Variants in DISC1 observed in about 807,000 individuals in gnomAD.
DISC1 encodes the protein DISC1 scaffold protein, also known as disrupted in schizophrenia 1 protein.
Under a neutral mutation model 84.5 loss-of-function variants are expected in DISC1, and 57 were observed. That is an observed-to-expected ratio of 0.67 (90% CI 0.55 to 0.84). DISC1 has a LOEUF of 0.84. Among genes scored for constraint, DISC1 ranks in the 40% least tolerant of loss-of-function variants. DISC1 has a pLI of 0.00. For missense variants in DISC1, 1,000 were observed against 1,057.8 expected (o/e 0.95, Z 0.76); for synonymous variants, 411 against 415.2 (o/e 0.99, Z 0.12).
At chr1:231,969,586 C>CT (rs1313899627) in intron 10 of DISC1, among the ~76,000 whole-genome samples, 5 of 96,936 alleles carry the variant, frequency 5.2e-5, no homozygotes. Flanking sequence ...ATACTTGTTT[C>CT]TTTCTTTCTT....
At chr1:231,980,354 C>T (rs1355710061) in intron 10 of DISC1, among the ~76,000 whole-genome samples, 1 of 152,058 alleles carries the variant, frequency 6.6e-6, no homozygotes, top group Non-Finnish European at 1.5e-5. Flanking sequence ...AAGGGTCAGT[C>T]CTGCAAAAAT....
At chr1:231,842,782 G>T (rs1477382083) in intron 9 of DISC1, among the ~76,000 whole-genome samples, 1 of 152,138 alleles carries the variant, frequency 6.6e-6, no homozygotes, top group Non-Finnish European at 1.5e-5. Flanking sequence ...TCCAGGTTTT[G>T]TGAGGACTGG....
At chr1:231,848,134 A>G (rs2083595582) in intron 9 of DISC1, among the ~76,000 whole-genome samples, 1 of 152,142 alleles carries the variant, frequency 6.6e-6, no homozygotes, top group African/African-American at 2.4e-5. Flanking sequence ...TAACAAGCAG[A>G]TGGTATTTTT....
At chr1:231,711,170 A>G (rs2067772394) in intron 3 of DISC1, among the ~76,000 whole-genome samples, 1 of 152,036 alleles carries the variant, frequency 6.6e-6, no homozygotes, top group Non-Finnish European at 1.5e-5. Context: ...ACAACTATCT[A>G]CTGAATATCT....
Position 231,675,236 on chromosome 1 carries a change from G to T in DISC1, c.68-18590G>T, listed in dbSNP as rs2063024674. 1.3e-5 allele frequency among the ~76,000 whole-genome samples: 2 copies of T among 152,084 alleles called. No individual in the cohort carries two copies. The highest frequency in any genetic ancestry group is 4.8e-5 in the African/African-American group (2 of 41,424). On this transcript the variant is annotated intron_variant, in intron 1 of 12. Transcript: ENST00000439617. The surrounding 1 kb of genome is among the most constrained non-coding windows in gnomAD (Gnocchi z 4.1). ...TCCTTAGGCTACTCCCGCCCGCAAAGTGTAGCGCTGTCTTGGTGGATCCTG... is the reference window on the plus strand; with the variant it reads ...TCCTTAGGCTACTCCCGCCCGCAAATTGTAGCGCTGTCTTGGTGGATCCTG...
At chr1:232,006,958 C>T (rs145121411) in intron 10 of DISC1, among the ~76,000 whole-genome samples, 7 of 152,296 alleles carry the variant, frequency 4.6e-5, no homozygotes, top group East Asian at 3.9e-4. Context: ...AAGGGGCCAA[C>T]GTACAGCTCA....
In DISC1 at chr1:231,696,817, GC is replaced by G. The variant is rs139860821; in HGVS notation, c.1047+2013del. On this transcript the variant is annotated intron_variant, in intron 2 of 12. Coordinates refer to ENST00000439617, the MANE Select transcript of DISC1 (RefSeq NM_018662.3). ...TCCATCTAGCCTAGGTGTGTAATGGGCTACACCATCCAGATTTGTGTAAGCA... is the reference window on the plus strand; with the variant it reads ...TCCATCTAGCCTAGGTGTGTAATGGGTACACCATCCAGATTTGTGTAAGCA... 4.0e-3 allele frequency among the ~76,000 whole-genome samples: 603 copies of G among 152,308 alleles called. 8 individuals carry two copies. The highest frequency in any genetic ancestry group is 0.014 in the African/African-American group (578 of 41,564).
intron 3 of DISC1, chr1:231,723,930 A>G (rs2070248632): frequency 1.2e-5 from 12 of 985,356 alleles, no homozygotes; most frequent in Non-Finnish European, 1.4e-5. Flanking sequence ...TCCCTAGGTC[A>G]GTGGCTTTCA....
intron 9 of DISC1, among the ~76,000 whole-genome samples, chr1:231,869,366 T>C (rs973009575): frequency 1.3e-5 from 2 of 152,044 alleles, no homozygotes; most frequent in African/African-American, 4.8e-5. Flanking sequence ...GTCAGGCCTG[T>C]GTTAGAGATG....
chr1:231,803,590 C>G (rs907310558), intron 8 of DISC1, among the ~76,000 whole-genome samples: 13 of 152,244 alleles, frequency 8.5e-5, no homozygotes, highest in African/African-American at 3.1e-4. Flanking sequence ...GCCCTAGGAC[C>G]TCTTGCAACA....
rs2081877996 is a variant in DISC1, at chr1:231,826,556, T to G, written c.1981+8039T>G. On this transcript the variant is annotated intron_variant, in intron 9 of 12. Coordinates refer to ENST00000439617, the MANE Select transcript of DISC1 (RefSeq NM_018662.3). This position sits in a 1 kb window ranked among gnomAD's most constrained non-coding sequence, Gnocchi z 4.2. ...AATTTAACTCAGTAGTAGGAGGTTC[T>G]ATAGGTTATCACCCTATGAAACTCA... is the stretch of plus-strand genomic sequence containing the variant. Among the ~76,000 whole-genome samples the G allele has an allele frequency of 6.6e-6, 1 of 152,220 alleles. No individual in the cohort carries two copies. The highest frequency in any genetic ancestry group is 2.1e-4 in the South Asian group (1 of 4,834).
intron 10 of DISC1, among the ~76,000 whole-genome samples, chr1:231,997,310 A>C (rs768146732): frequency 2.6e-5 from 4 of 152,322 alleles, no homozygotes; most frequent in South Asian, 4.1e-4. Flanking sequence ...TTCTTAGGAA[A>C]GTTATAAGCT....
chr1:231,857,446 C>T lies in DISC1; in HGVS notation c.1981+38929C>T, dbSNP rs200570845. 7.5e-4 allele frequency among the ~76,000 whole-genome samples: 114 copies of T among 152,210 alleles called. 1 individual carries two copies. Among genetic ancestry groups the T allele is most frequent in the Admixed American group, 2.4e-3 (36 of 15,294 alleles). ...TGATGGCACTCCAGGTGTGTGAAGACGCCACTGGCCTGGGAATCACGACAT... is the reference window on the plus strand; with the variant it reads ...TGATGGCACTCCAGGTGTGTGAAGATGCCACTGGCCTGGGAATCACGACAT... On this transcript the variant is annotated intron_variant, in intron 9 of 12. Coordinates refer to ENST00000439617, the MANE Select transcript of DISC1 (RefSeq NM_018662.3).
chr1:231,694,223 C>T lies in DISC1; in HGVS notation c.465C>T (p.Thr155=), dbSNP rs758482654. The T allele has an allele frequency of 6.2e-7, 1 of 1,614,196 alleles. No homozygotes were observed. The highest frequency in any genetic ancestry group is 8.5e-7 in the Non-Finnish European group (1 of 1,180,038). ...TTGCAGCCATGGATAGTTCTGAGACCCTGGACGCCAGCTGGGAGGCAGCCT... is the reference window on the plus strand; with the variant it reads ...TTGCAGCCATGGATAGTTCTGAGACTCTGGACGCCAGCTGGGAGGCAGCCT... ...QEFAAMDSSE[T]LDASWEAACS... Residue 155 remains threonine, a synonymous_variant, in exon 2 of 13, where the codon ACC becomes ACT. Transcript: ENST00000439617.
At chr1:231,685,714 G>A (rs535367732) in intron 1 of DISC1, among the ~76,000 whole-genome samples, 1 of 152,070 alleles carries the variant, frequency 6.6e-6, no homozygotes, top group Non-Finnish European at 1.5e-5. Flanking sequence ...GCCTCCCAAA[G>A]AGCTGGGATT....
chr1:231,945,966 T>G (rs1189091387), intron 9 of DISC1, among the ~76,000 whole-genome samples: 1 of 152,138 alleles, frequency 6.6e-6, no homozygotes, highest in Non-Finnish European at 1.5e-5. Flanking sequence ...GAGGCAGCAA[T>G]TAATAGCCTA....
At chr1:231,841,406 C>T (rs978113042) in intron 9 of DISC1, among the ~76,000 whole-genome samples, 4 of 152,202 alleles carry the variant, frequency 2.6e-5, no homozygotes, top group Admixed American at 2.6e-4. Context: ...CACAGCATTG[C>T]GAGTCACCCC....
chr1:231,657,765 T>C (rs1173374505), intron 1 of DISC1, among the ~76,000 whole-genome samples: 2 of 152,120 alleles, frequency 1.3e-5, no homozygotes, highest in Admixed American at 1.3e-4. Context: ...TGTTTTTGTC[T>C]AGTTTGTTGA....
intron 3 of DISC1, among the ~76,000 whole-genome samples, chr1:231,705,115 C>T (rs182376976): frequency 1.2e-4 from 18 of 150,940 alleles, no homozygotes; most frequent in African/African-American, 4.4e-4. Flanking sequence ...AGTGAAACCC[C>T]GTCTCTACTA....
Sources: allele counts gnomAD v4.1 joint callset (sites outside exome capture counted in the v4.1 genomes callset), GRCh38; gene constraint gnomAD v4.1.1; non-coding constraint Gnocchi (gnomAD v3.1); transcripts MANE v1.5; gene names NCBI Gene and HGNC (gene_info 2026-07-23, HGNC 2026-07-21).